EVI5L: variants seen among roughly 807,000 people sequenced by gnomAD.
The protein encoded by EVI5L is ecotropic viral integration site 5 like, also known as EVI5-like protein.
Under a neutral mutation model 106.1 loss-of-function variants are expected in EVI5L, and 30 were observed. The ratio of observed to expected loss-of-function variants is 0.28; its 90% CI spans 0.21 to 0.38. EVI5L has a LOEUF of 0.38. Among genes scored for constraint, EVI5L ranks in the 10% least tolerant of loss-of-function variants. The pLI is 1.00. For missense variants in EVI5L, 809 were observed against 1,098.0 expected, an observed-to-expected ratio of 0.74 and a Z score of 3.72; for synonymous variants, 489 against 483.3, an observed-to-expected ratio of 1.01 and a Z score of -0.15.
At chr19:7,842,821 G>C (rs1180390989) in intron 1 of EVI5L, among the ~76,000 whole-genome samples, 1 of 150,972 alleles carries the variant, frequency 6.6e-6, no homozygotes, top group Non-Finnish European at 1.5e-5. Flanking sequence ...GTGTGCACAT[G>C]TGTGTGTGAA....
intron 1 of EVI5L, among the ~76,000 whole-genome samples, chr19:7,831,226 AACACACACACACACACACACAC>A (rs4045095): frequency 3.8e-5 from 5 of 130,364 alleles, no homozygotes; most frequent in South Asian, 5.0e-4. Context: ...GAAAACCCCA[AACACACACACACACACACACAC>A]ACACACACAC....
intron 14 of EVI5L, 145 bp downstream of exon 14, chr19:7,860,834 C>T (rs532506977): frequency 1.6e-5 from 16 of 1,008,886 alleles, no homozygotes; most frequent in Admixed American, 3.2e-5. Context: ...ACAGCACAAC[C>T]CCACGCGGGG....
chr19:7,843,689 A>T (rs1219568543), intron 1 of EVI5L, among the ~76,000 whole-genome samples: 2 of 151,374 alleles, frequency 1.3e-5, no homozygotes, highest in African/African-American at 4.9e-5. Flanking sequence ...TGTGTGTGTG[A>T]GAATAGGCAT....
rs772373756 is a variant in EVI5L at position 7,843,394 on chromosome 19, TAG to T, written c.-47-3101_-47-3100del. Reference sequence around the variant, plus strand: ...GGCATGGGTGTGTCGAGTGTGTGCATAGGTGTGTGAGTGTGAGAATAGGCATG... The same window carrying T: ...GGCATGGGTGTGTCGAGTGTGTGCATGTGTGTGAGTGTGAGAATAGGCATG... On this transcript the variant is annotated intron_variant, in intron 1 of 19. Transcript: ENST00000538904. Among the ~76,000 whole-genome samples, 161 of 117,410 alleles carry T rather than the reference TAG, an allele frequency of 1.4e-3. 1 individual carries two copies. Among genetic ancestry groups the T allele is most frequent in the East Asian group, 1.8e-3 (7 of 3,810 alleles). The allele number at this position is 117,410 out of a possible 152,430, so 77.0% of individuals were successfully genotyped here.
Position 7,862,226 on chromosome 19 carries a change from C to G in EVI5L, c.1749C>G (p.Ala583=). The change falls in exon 16 of 20, where the codon GCC becomes GCG. Residue 583 remains alanine, a synonymous_variant. Coordinates refer to ENST00000538904, the MANE Select transcript of EVI5L (RefSeq NM_001159944.3). ...LMSVRLREAQ[A]LAEGRELRQR... ...GCGTGCGTCTGCGCGAGGCCCAGGC[C>G]CTGGCCGAGGGCCGCGAGCTGCGGC... 1 of 1,572,890 alleles carries G rather than the reference C, an allele frequency of 6.4e-7. No homozygotes were observed. Among genetic ancestry groups the G allele is most frequent in the Non-Finnish European group, 8.6e-7 (1 of 1,160,460 alleles).
At chr19:7,862,641 TGCCCCTGCCCGCGGTCCTCCC>T (rs1568246148) in intron 17 of EVI5L, 107 bp downstream of exon 17, 24 of 991,860 alleles carry the variant, frequency 2.4e-5, no homozygotes, top group African/African-American at 1.8e-4. Context: ...CCTCCCGATC[TGCCCCTGCCCGCGGTCCTCCC>T]GCCCCCGCCC....
Position 7,860,678 on chromosome 19 carries a change from G to C in EVI5L, c.1492G>C (p.Asp498His). 6.3e-7 allele frequency: 1 copy of C among 1,586,800 alleles called. No homozygotes were observed. Among genetic ancestry groups the C allele is most frequent in the Non-Finnish European group, 8.6e-7 (1 of 1,166,748 alleles). Residue 498 changes from aspartate to histidine, a missense_variant, in exon 14 of 20, where the codon GAC becomes CAC. Asp to His is a moderately conservative substitution (Grantham distance 81, BLOSUM62 -1). This residue lies in a region of EVI5L where 452 missense variants were observed against 509.9 expected (regional missense o/e 0.89). Transcript: ENST00000538904. Reference protein sequence around the residue: ...ALREMQDKVLDMEKRNSSLPD... With the variant: ...ALREMQDKVLHMEKRNSSLPD... ...TCGGGAGATGCAGGACAAGGTTCTC[G>C]ACATGGAAAAGGTGCAATGGGGAGG...
rs970880075 is a variant in EVI5L at position 7,864,808 on chromosome 19, C to T, written c.*1106C>T. 3.3e-5 allele frequency: 5 copies of T among 152,490 alleles called. No homozygotes were observed. Among genetic ancestry groups the T allele is most frequent in the African/African-American group, 9.6e-5 (4 of 41,460 alleles). The allele number at this position is 152,490 out of a possible 1,614,324, so 9.4% of individuals were successfully genotyped here. On this transcript the variant is annotated 3_prime_UTR_variant, in exon 20 of 20. Coordinates refer to ENST00000538904, the MANE Select transcript of EVI5L (RefSeq NM_001159944.3). The surrounding 1 kb of genome is among the most constrained non-coding windows in gnomAD (Gnocchi z 4.5). ...CCTGGGTGGGGACCCCTGCTCCGTC[C>T]CCGCTTCCTAGCTGCCCACTTTTCA... is the stretch of plus-strand genomic sequence containing the variant.
intron 1 of EVI5L, among the ~76,000 whole-genome samples, chr19:7,834,257 G>A (rs1978312770): frequency 6.6e-6 from 1 of 152,192 alleles, no homozygotes; most frequent in Non-Finnish European, 1.5e-5. Flanking sequence ...CTGGGAGGCA[G>A]AGCTTGCAGT....
At chr19:7,859,973 C>T (rs1484183257) in intron 13 of EVI5L, among the ~76,000 whole-genome samples, 2 of 152,192 alleles carry the variant, frequency 1.3e-5, no homozygotes, top group Non-Finnish European at 2.9e-5. Context: ...GAGAGGGAGC[C>T]CGGCTCCCAC....
rs1310322192 is a variant in EVI5L, at chr19:7,863,085, G to T, written c.2043+18G>T. On this transcript the variant is annotated intron_variant, in intron 18 of 19. Coordinates refer to ENST00000538904, the MANE Select transcript of EVI5L (RefSeq NM_001159944.3). The surrounding 1 kb of genome is among the most constrained non-coding windows in gnomAD (Gnocchi z 7.7). ...AGATCCAGGTGATCGGCGGGGCCGG[G>T]GTCGGGGGGCGGGGGCGGGGGCAGG... The T allele has an allele frequency of 3.5e-6, 4 of 1,154,656 alleles. No individual in the cohort carries two copies. 71.5% of individuals were successfully genotyped at this position (1,154,656 alleles called of 1,614,324 possible). A position where few individuals can be genotyped will look rare whatever the true frequency, so the allele number is the denominator to read the frequency against.
chr19:7,861,947 C>A lies in EVI5L; in HGVS notation c.1573C>A (p.Arg525=), dbSNP rs1409130941. ...GGAGGAGCTGAAGGCGCTCAAGGTG[C>A]GGGAAGGCCAGGCGGTGGCCTCGAC... The part of the protein sequence containing the change: ...LQEELKALKV[R]EGQAVASTRE... Residue 525 remains arginine, a synonymous_variant, in exon 15 of 20, where the codon CGG becomes AGG. Transcript: ENST00000538904. 4 of 1,550,068 alleles carry A rather than the reference C, an allele frequency of 2.6e-6. No individual in the cohort carries two copies. Among genetic ancestry groups the A allele is most frequent in the Non-Finnish European group, 3.5e-6 (4 of 1,146,990 alleles).
At chr19:7,846,730 C>T in intron 2 of EVI5L, 51 bp downstream of exon 2, 2 of 1,585,024 alleles carry the variant, frequency 1.3e-6, no homozygotes, top group East Asian at 2.3e-5. Context: ...CAGTCTGGGC[C>T]CCCACAGGAG....
intron 1 of EVI5L, among the ~76,000 whole-genome samples, chr19:7,840,533 C>A (rs1451414277): frequency 1.3e-5 from 2 of 152,218 alleles, no homozygotes; most frequent in African/African-American, 2.4e-5. Flanking sequence ...TTTATTCCAA[C>A]TGTGTTGTGC....
intron 1 of EVI5L, among the ~76,000 whole-genome samples, chr19:7,842,321 AATGT>A (rs565687085): frequency 4.7e-5 from 3 of 63,908 alleles, no homozygotes; most frequent in East Asian, 3.7e-4. Context: ...AGAATGTATG[AATGT>A]ATGTATCAAG....
At chr19:7,853,217 A>G (rs526464) in intron 9 of EVI5L, 34 bp downstream of exon 9, 1,586,117 of 1,613,960 alleles carry the variant, frequency 0.98, 781,533 homozygotes, top group Non-Finnish European at 1. Flanking sequence ...GGTACTGGTA[A>G]GAAGGGGGGA....
Position 7,856,911 on chromosome 19 carries a change from C to T in EVI5L, c.1201-181C>T. 1 of 733,276 alleles carries T rather than the reference C, an allele frequency of 1.4e-6. No homozygotes were observed. The highest frequency in any genetic ancestry group is 2.4e-6 in the Non-Finnish European group (1 of 412,688). 45.4% of individuals were successfully genotyped at this position (733,276 alleles called of 1,614,324 possible). A position where few individuals can be genotyped will look rare whatever the true frequency, so the allele number is the denominator to read the frequency against. ...CTCTCCAGGACGGAGCTGGCTCTAG[C>T]TTTGGTCTTCCTCCGGGTCCTCTCC... On this transcript the variant is annotated intron_variant, in intron 11 of 19. Coordinates refer to ENST00000538904, the MANE Select transcript of EVI5L (RefSeq NM_001159944.3). This position sits in a 1 kb window ranked among gnomAD's most constrained non-coding sequence, Gnocchi z 6.6.
rs764446714 is a variant in EVI5L, at chr19:7,848,873, G to C, written c.328-48G>C. 1.9e-6 allele frequency: 3 copies of C among 1,572,666 alleles called. No individual in the cohort carries two copies. The highest frequency in any genetic ancestry group is 2.3e-5 in the South Asian group (2 of 86,760). On this transcript the variant is annotated intron_variant, in intron 3 of 19. Coordinates refer to ENST00000538904, the MANE Select transcript of EVI5L (RefSeq NM_001159944.3). This position sits in a 1 kb window ranked among gnomAD's most constrained non-coding sequence, Gnocchi z 4.8. ...AGCTGGGCTGGGTGGCCACGGGGAG[G>C]CTGCGCTGGGACCGAGTCCAGCCCC...
In EVI5L at chr19:7,863,415, C is replaced by G. The variant is rs1979952564; in HGVS notation, c.2140-9C>G. On this transcript the variant is annotated splice_polypyrimidine_tract_variant and intron_variant, in intron 19 of 19. Transcript: ENST00000538904. This position sits in a 1 kb window ranked among gnomAD's most constrained non-coding sequence, Gnocchi z 7.7. ...GGTCCACGCCTGCAGCGCCGGTCCC[C>G]CGCCCCAGGTGCGGCTGCTGAAGGG... is the stretch of plus-strand genomic sequence containing the variant. 1 of 1,534,200 alleles carries G rather than the reference C, an allele frequency of 6.5e-7. No individual in the cohort carries two copies. The highest frequency in any genetic ancestry group is 8.8e-7 in the Non-Finnish European group (1 of 1,140,670).
Sources: gnomAD v4.1 joint callset for allele counts (sites outside exome capture counted in the v4.1 genomes callset) on GRCh38, gnomAD v4.1.1 for gene constraint, gnomAD v4.1.1 regional missense constraint, Gnocchi (gnomAD v3.1) non-coding constraint, MANE v1.5 for transcripts, NCBI Gene and HGNC (gene_info 2026-07-23, HGNC 2026-07-21) for gene names.